OSBPL9: variants seen among roughly 807,000 people sequenced by gnomAD.
OSBPL9 encodes the protein oxysterol binding protein like 9, also known as oxysterol-binding protein-related protein 9.
Under a neutral mutation model 106.6 loss-of-function variants are expected in OSBPL9, and 40 were observed. The observed-to-expected ratio is 0.38, with a 90% CI of 0.29 to 0.49. The LOEUF (loss-of-function observed/expected upper bound fraction) is 0.49, where lower values mean the gene tolerates loss of function less well. Among genes scored for constraint, OSBPL9 ranks in the 20% least tolerant of loss-of-function variants. OSBPL9 has a pLI of 0.97. For synonymous variants in OSBPL9, 269 were observed against 295.4 expected, an observed-to-expected ratio of 0.91 and a Z score of 0.92; for missense variants, 609 against 887.2, an observed-to-expected ratio of 0.69 and a Z score of 3.98.
the OSBPL9 span, among the ~76,000 whole-genome samples, chr1:51,547,106 C>T: frequency 1.3e-5 from 2 of 152,166 alleles, no homozygotes; most frequent in Non-Finnish European, 2.9e-5. Flanking sequence ...TATGCAAATT[C>T]AGAACTCATA....
At chr1:51,759,913 AC>A (rs1671139193) in intron 9 of OSBPL9, 1 of 152,190 alleles carries the variant, frequency 6.6e-6, no homozygotes, top group African/African-American at 2.4e-5. Context: ...AAAACTAGAC[AC>A]ACAGTCAGCC....
chr1:51,593,125 C>T (rs1401672481), intron 1 of OSBPL9, among the ~76,000 whole-genome samples: 1 of 152,152 alleles, frequency 6.6e-6, no homozygotes, highest in Non-Finnish European at 1.5e-5. Context: ...CTGCCCCCTC[C>T]CCTGTATTCC....
At chr1:51,624,806 A>C (rs1399083759) in intron 1 of OSBPL9, among the ~76,000 whole-genome samples, 1 of 152,162 alleles carries the variant, frequency 6.6e-6, no homozygotes, top group Non-Finnish European at 1.5e-5. Flanking sequence ...ATCATCTTAC[A>C]TCTGCTACAA....
the OSBPL9 span, among the ~76,000 whole-genome samples, chr1:51,519,686 T>C: frequency 6.6e-6 from 1 of 152,218 alleles, no homozygotes; most frequent in Non-Finnish European, 1.5e-5. Context: ...ATAATGGCAC[T>C]TTATATATGC....
intron 4 of OSBPL9, chr1:51,730,185 C>A (rs990290017): frequency 9.7e-6 from 12 of 1,235,332 alleles, no homozygotes; most frequent in Middle Eastern, 3.1e-4. Flanking sequence ...GTTCCTCAGC[C>A]TAGATGGGGT....
upstream of OSBPL9, among the ~76,000 whole-genome samples, chr1:51,616,018 T>G (rs899167268): frequency 2.8e-4 from 41 of 146,706 alleles, no homozygotes; most frequent in African/African-American, 6.6e-4. Context: ...TTTTTTTTTT[T>G]TTTTTTTTTT....
chr1:51,744,313 C>G (rs929833042), intron 4 of OSBPL9, among the ~76,000 whole-genome samples: 1 of 152,084 alleles, frequency 6.6e-6, no homozygotes, highest in African/African-American at 2.4e-5. Flanking sequence ...GGAGGATGCC[C>G]GTATTTGGCT....
intron 4 of OSBPL9, chr1:51,724,799 A>T (rs1662815085): frequency 4.2e-6 from 1 of 237,366 alleles, no homozygotes; most frequent in Admixed American, 4.3e-5. Context: ...AAAGGTTCTA[A>T]AGAGGAGCTT....
intron 2 of OSBPL9, among the ~76,000 whole-genome samples, chr1:51,607,188 G>A (rs1222712661): frequency 7.6e-6 from 1 of 131,566 alleles, no homozygotes; most frequent in South Asian, 2.3e-4. Context: ...TTTTGAGACA[G>A]AGTCATGCTC....
chr1:51,597,409 G>GTATATATATA lies in OSBPL9; in HGVS notation c.-422-709_-422-700dup, dbSNP rs374626875. Among the ~76,000 whole-genome samples, 190 of 135,672 alleles carry GTATATATATA rather than the reference G, an allele frequency of 1.4e-3. 2 individuals are homozygous for GTATATATATA. The highest frequency in any genetic ancestry group is 4.8e-3 in the African/African-American group (181 of 37,376). 89.0% of individuals were successfully genotyped at this position (135,672 alleles called of 152,430 possible). ...TCAGAGTCCTATGGAATATATGTGT[G>GTATATATATA]TATATATATATATATGTGTGTGTGT... On this transcript the variant is annotated intron_variant, in intron 1 of 25. Transcript: ENST00000371714.
At chr1:51,650,492 A>G (rs1378806332) in intron 1 of OSBPL9, among the ~76,000 whole-genome samples, 1 of 152,190 alleles carries the variant, frequency 6.6e-6, no homozygotes, top group East Asian at 1.9e-4. Context: ...CTGTGTTATT[A>G]GTAAAGAACT....
chr1:51,732,423 C>G (rs1664665865), intron 4 of OSBPL9, among the ~76,000 whole-genome samples: 1 of 152,156 alleles, frequency 6.6e-6, no homozygotes, highest in Non-Finnish European at 1.5e-5. Flanking sequence ...ATTTAGGAAG[C>G]TTTTCAGTAA....
upstream of OSBPL9, among the ~76,000 whole-genome samples, chr1:51,576,461 G>T (rs1645184508): frequency 6.6e-6 from 1 of 152,200 alleles, no homozygotes; most frequent in African/African-American, 2.4e-5. Context: ...CATGCTCATG[G>T]ACAATGCTGT....
chr1:51,580,808 A>T (rs544409222), intron 1 of OSBPL9, among the ~76,000 whole-genome samples: 267 of 147,486 alleles, frequency 1.8e-3, no homozygotes, highest in Non-Finnish European at 2.8e-3. Context: ...AAAGAAGCAA[A>T]TAGGCAGTAA....
At position 51,607,746 on chromosome 1, in the gene OSBPL9, A is replaced by T. The variant is rs778030230; in HGVS notation, c.-352-6559A>T. ...TCCATACGGGTTTGCAGCAAGCTCA[A>T]TTCTCACCTCCTTGGAGGAAAGAAT... On this transcript the variant is annotated intron_variant, in intron 2 of 25. Coordinates refer to the OSBPL9 transcript ENST00000371714. 1.1e-4 allele frequency among the ~76,000 whole-genome samples: 16 copies of T among 152,350 alleles called. No homozygotes were observed. The East Asian group carries it at 3.1e-3, about 29-fold the overall frequency.
At chr1:51,597,855 A>G (rs1042266912) in intron 1 of OSBPL9, among the ~76,000 whole-genome samples, 1 of 152,190 alleles carries the variant, frequency 6.6e-6, no homozygotes, top group Non-Finnish European at 1.5e-5. Context: ...ATCACCTACT[A>G]TGTGCAGGGT....
chr1:51,531,662 G>C, the OSBPL9 span, among the ~76,000 whole-genome samples: 46 of 152,210 alleles, frequency 3.0e-4, no homozygotes, highest in African/African-American at 4.8e-5. Flanking sequence ...TACACTTTTA[G>C]ATATCCAAGT....
upstream of OSBPL9, chr1:51,617,036 G>GGCCCC: frequency 7.2e-7 from 1 of 1,388,372 alleles, no homozygotes; most frequent in Non-Finnish European, 9.8e-7. Flanking sequence ...GCCCCCTGCG[G>GGCCCC]CCCCGCCCCC....
Position 51,786,213 on chromosome 1 carries a change from A to G in OSBPL9, c.1909-313A>G, listed in dbSNP as rs1007870039. The G allele has an allele frequency of 2.0e-5, 9 of 442,402 alleles. No individual in the cohort carries two copies. In the South Asian group the frequency reaches 2.1e-4, roughly 10 times the overall value. 27.4% of individuals were successfully genotyped at this position (442,402 alleles called of 1,614,324 possible). A position where few individuals can be genotyped will look rare whatever the true frequency, so the allele number is the denominator to read the frequency against. On this transcript the variant is annotated intron_variant, in intron 21 of 23. Transcript: ENST00000428468. ...TGTTAGGTATGTGGCGTATGTTTATAAAATGAAGCACTAAACTGTGTGTTT... is the reference window on the plus strand; with the variant it reads ...TGTTAGGTATGTGGCGTATGTTTATGAAATGAAGCACTAAACTGTGTGTTT...
Sources: gnomAD v4.1 joint callset for allele counts (sites outside exome capture counted in the v4.1 genomes callset) on GRCh38, gnomAD v4.1.1 for gene constraint, MANE v1.5 for transcripts, NCBI Gene and HGNC (gene_info 2026-07-23, HGNC 2026-07-21) for gene names.